The following SUPT5H variants were observed in gnomAD, a reference collection of about 807,000 sequenced individuals.
The protein encoded by SUPT5H is SPT5 homolog, DSIF elongation factor subunit, also known as transcription elongation factor SPT5.
A neutral mutation model predicts 142.5 loss-of-function variants in SUPT5H; 24 were observed. The ratio of observed to expected loss-of-function variants is 0.17; its 90% CI spans 0.12 to 0.24. SUPT5H has a LOEUF of 0.24. SUPT5H is among the 10% of genes least tolerant of loss of function. The pLI is 1.00. For missense variants in SUPT5H, 893 were observed against 1,471.8 expected, an observed-to-expected ratio of 0.61 and a Z score of 6.43; for synonymous variants, 546 against 553.0, an observed-to-expected ratio of 0.99 and a Z score of 0.18.
chr19:39,473,237 T>A lies in SUPT5H; in HGVS notation c.2293T>A (p.Tyr765Asn). ...SRRPGGMTST[Y>N]GRTPMYGSQT... ...GCGCCCGGGCGGCATGACCTCGACCTATGGGAGGACGCCCATGTATGGCTC... is the reference window on the plus strand; with the variant it reads ...GCGCCCGGGCGGCATGACCTCGACCAATGGGAGGACGCCCATGTATGGCTC... The change falls in exon 24 of 30, where the codon TAT becomes AAT. Residue 765 changes from tyrosine to asparagine, a missense_variant. Physicochemically the swap from Tyr to Asn is moderately radical, Grantham distance 143 (BLOSUM62 -2). Transcript: ENST00000432763. This position sits in a 1 kb window ranked among gnomAD's most constrained non-coding sequence, Gnocchi z 5.8. 1.2e-6 allele frequency: 2 copies of A among 1,613,494 alleles called. No individual in the cohort carries two copies. The highest frequency in any genetic ancestry group is 1.7e-6 in the Non-Finnish European group (2 of 1,179,940).
At chr19:39,460,145 T>C (rs2079143023) in intron 10 of SUPT5H, 185 bp downstream of exon 10, 4 of 624,626 alleles carry the variant, frequency 6.4e-6, no homozygotes, top group Non-Finnish European at 1.1e-5. Context: ...ATGGATATGT[T>C]GTCTTTGTTC....
chr19:39,460,719 A>G (rs1294217032), intron 10 of SUPT5H, among the ~76,000 whole-genome samples: 1 of 152,082 alleles, frequency 6.6e-6, no homozygotes, highest in Non-Finnish European at 1.5e-5. Flanking sequence ...TGACAAAAAA[A>G]AGGATTAGGT....
rs4803242 is a variant in SUPT5H at position 39,466,154 on chromosome 19, A to C, written c.877-326A>C. Among the ~76,000 whole-genome samples, 91,199 of 151,882 alleles carry C rather than the reference A, an allele frequency of 0.6. 28,175 individuals carry two copies. The highest frequency in any genetic ancestry group is 0.75 in the African/African-American group (30,873 of 41,434). Reference sequence around the variant, plus strand: ...GTGTAAGAGAAACAAAGGAGTCAAGAGTGGCTCCCAGGTTGTGTGCCTGAG... The same window carrying C: ...GTGTAAGAGAAACAAAGGAGTCAAGCGTGGCTCCCAGGTTGTGTGCCTGAG... On this transcript the variant is annotated intron_variant, in intron 11 of 29. Transcript: ENST00000432763. This position sits in a 1 kb window ranked among gnomAD's most constrained non-coding sequence, Gnocchi z 4.3.
At chr19:39,455,928 T>C (rs868098804) in intron 3 of SUPT5H, among the ~76,000 whole-genome samples, 185 of 140,624 alleles carry the variant, frequency 1.3e-3, no homozygotes, top group African/African-American at 4.4e-3. Context: ...GCCTCTTCTT[T>C]TTTTTTTTTT....
chr19:39,466,692 A>G lies in SUPT5H; in HGVS notation c.984A>G (p.Lys328=). Residue 328 remains lysine, a synonymous_variant, in exon 13 of 30, where the codon AAA becomes AAG. Coordinates refer to ENST00000432763, the MANE Select transcript of SUPT5H (RefSeq NM_001111020.3). This position sits in a 1 kb window ranked among gnomAD's most constrained non-coding sequence, Gnocchi z 4.3. The part of the protein sequence containing the change: ...ARMSLKDWFA[K]RKKFKRPPQR... ...CTCCATAGAAAGACTGGTTTGCCAA[A>G]AGGAAGAAGTTTAAGCGGCCTCCAC... The G allele has an allele frequency of 1.2e-6, 2 of 1,614,162 alleles. No individual in the cohort carries two copies. Among genetic ancestry groups the G allele is most frequent in the Non-Finnish European group, 1.7e-6 (2 of 1,180,046 alleles).
At chr19:39,456,598 T>C (rs1164329363) in intron 3 of SUPT5H, among the ~76,000 whole-genome samples, 1 of 151,958 alleles carries the variant, frequency 6.6e-6, no homozygotes, top group Non-Finnish European at 1.5e-5. Context: ...TTTGTATTTT[T>C]AGTAGAGACG....
chr19:39,475,120 C>A, intron 28 of SUPT5H: 1 of 233,918 alleles, frequency 4.3e-6, no homozygotes, highest in Non-Finnish European at 8.5e-6. Flanking sequence ...TGCTTCACAC[C>A]TGTAATCCCA....
At chr19:39,461,133 T>TA (rs904663421) in intron 10 of SUPT5H, among the ~76,000 whole-genome samples, 16 of 151,662 alleles carry the variant, frequency 1.1e-4, no homozygotes, top group African/African-American at 3.9e-4. Context: ...CTACCAAAAA[T>TA]ACAAAAATCA....
At chr19:39,449,355 A>G (rs963312196) in intron 2 of SUPT5H, among the ~76,000 whole-genome samples, 3 of 152,138 alleles carry the variant, frequency 2.0e-5, no homozygotes, top group Non-Finnish European at 4.4e-5. Flanking sequence ...GTTCCTAGAA[A>G]TCAGCCTGTG....
intron 2 of SUPT5H, 28 bp from the exon 3 acceptor site, chr19:39,453,328 G>A: frequency 6.4e-7 from 1 of 1,558,714 alleles, no homozygotes; most frequent in Non-Finnish European, 8.7e-7. Context: ...CAGAATTCTG[G>A]TGCTACAACC....
chr19:39,468,730 ATCT>A (rs776397380), intron 13 of SUPT5H, 23 bp from the exon 14 acceptor site: 3 of 1,603,826 alleles, frequency 1.9e-6, no homozygotes, highest in African/African-American at 1.3e-5. Flanking sequence ...CTCCCTTCTA[ATCT>A]TCTCTCCCCC....
rs113169927 is a variant in SUPT5H at position 39,458,231 on chromosome 19, C to CCCACCACCA, written c.308-27_308-19dup. On this transcript the variant is annotated intron_variant, in intron 4 of 29. Transcript: ENST00000432763. The surrounding 1 kb of genome is among the most constrained non-coding windows in gnomAD (Gnocchi z 4.2). ...TTGGCTCATACTTTGTCTGCCCTCG[C>CCCACCACCA]CCACCACCACCACCACCACCACCAC... 96 of 1,364,700 alleles carry CCCACCACCA rather than the reference C, an allele frequency of 7.0e-5. No individual in the cohort carries two copies. Among genetic ancestry groups the CCCACCACCA allele is most frequent in the Middle Eastern group, 2.5e-4 (1 of 4,002 alleles). 84.5% of individuals were successfully genotyped at this position (1,364,700 alleles called of 1,614,324 possible).
At position 39,453,367 on chromosome 19, in the gene SUPT5H, G is replaced by A; in HGVS notation, c.87G>A (p.Glu29=). ...CCTGACCCCTGTAGGTAGACGAAGA[G>A]CGGCGGAGTGCAGCGGGCAGTGAGA... ...SDGEEAEVDE[E]RRSAAGSEKE... is the part of the protein sequence containing the mutation. Residue 29 remains glutamate, a synonymous_variant, in exon 3 of 30, where the codon GAG becomes GAA. Coordinates refer to ENST00000432763, the MANE Select transcript of SUPT5H (RefSeq NM_001111020.3). The A allele has an allele frequency of 6.2e-7, 1 of 1,604,480 alleles. No individual in the cohort carries two copies. The highest frequency in any genetic ancestry group is 2.2e-5 in the East Asian group (1 of 44,698).
chr19:39,468,642 T>C (rs1207232391), intron 13 of SUPT5H, 114 bp from the exon 14 acceptor site: 2 of 853,282 alleles, frequency 2.3e-6, no homozygotes, highest in African/African-American at 1.7e-5. Context: ...TGGGATGGGA[T>C]GGGTCAGTCT....
rs1435589745 is a variant in SUPT5H at position 39,474,563 on chromosome 19, G to C, written c.2869G>C (p.Ala957Pro). Residue 957 changes from alanine to proline, a missense_variant, in exon 28 of 30, where the codon GCT becomes CCT. Physicochemically the swap from Ala to Pro is conservative, Grantham distance 27 (BLOSUM62 -1). Around this residue, in one of 6 missense-constraint regions of SUPT5H, gnomAD observed 336 missense variants for 546.5 expected, o/e 0.61. Coordinates refer to ENST00000432763, the MANE Select transcript of SUPT5H (RefSeq NM_001111020.3). The surrounding 1 kb of genome is among the most constrained non-coding windows in gnomAD (Gnocchi z 6.5). ...TGGCTACAGTCCTATGACACCTGGA[G>C]CTCCCTCCCCTGGTGGCTACAACCC... ...PVGYSPMTPG[A>P]PSPGGYNPHT... 1.2e-6 allele frequency: 2 copies of C among 1,614,218 alleles called. No individual in the cohort carries two copies. The highest frequency in any genetic ancestry group is 8.5e-7 in the Non-Finnish European group (1 of 1,180,034).
intron 2 of SUPT5H, 150 bp downstream of exon 2, chr19:39,446,115 G>A: frequency 2.2e-6 from 2 of 897,310 alleles, no homozygotes; most frequent in Non-Finnish European, 3.4e-6. Flanking sequence ...TAGGCAAGTC[G>A]AAGTCAAGCA....
Position 39,472,349 on chromosome 19 carries a change from C to G in SUPT5H, c.1951-60C>G. On this transcript the variant is annotated intron_variant, in intron 20 of 29. Transcript: ENST00000432763. The surrounding 1 kb of genome is among the most constrained non-coding windows in gnomAD (Gnocchi z 4.2). The stretch of plus-strand genomic sequence containing the variant: ...GGCCCTGCACGTGGGATGATGAGTT[C>G]CTGTGGTTTGTGGTTCCCCCATCCC... 6.5e-7 allele frequency: 1 copy of G among 1,544,282 alleles called. No homozygotes were observed. The highest frequency in any genetic ancestry group is 8.9e-7 in the Non-Finnish European group (1 of 1,119,280).
chr19:39,453,074 ATTATAGTTAAAGACTCG>A (rs984525675), intron 2 of SUPT5H, among the ~76,000 whole-genome samples: 3 of 151,578 alleles, frequency 2.0e-5, no homozygotes, highest in Non-Finnish European at 2.9e-5. Context: ...TCATCAAGCT[ATTATAGTTAAAGACTCG>A]GTGGAAAGTG....
At chr19:39,445,721 G>A in intron 1 of SUPT5H, 83 bp from the exon 2 acceptor site, 1 of 733,600 alleles carries the variant, frequency 1.4e-6, no homozygotes, top group Non-Finnish European at 2.3e-6. Flanking sequence ...TCTAGCATGT[G>A]GCGTAGGAGG....
Sources: gnomAD v4.1 joint callset for allele counts (sites outside exome capture counted in the v4.1 genomes callset) on GRCh38, gnomAD v4.1.1 for gene constraint, gnomAD v4.1.1 regional missense constraint, Gnocchi (gnomAD v3.1) non-coding constraint, MANE v1.5 for transcripts, NCBI Gene and HGNC (gene_info 2026-07-23, HGNC 2026-07-21) for gene names.